The following PCSK5 variants were observed in gnomAD, a reference collection of about 807,000 sequenced individuals.
PCSK5 encodes the protein prohormone convertase 5.
Under a neutral mutation model 233.2 loss-of-function variants are expected in PCSK5, and 129 were observed. That is an observed-to-expected ratio of 0.55 (90% CI 0.48 to 0.64). The LOEUF (loss-of-function observed/expected upper bound fraction) is 0.64. Among genes scored for constraint, PCSK5 ranks in the 30% least tolerant of loss-of-function variants. The pLI, the probability that PCSK5 is intolerant of heterozygous loss-of-function variation, is 0.00. For missense variants in PCSK5, 2,076 were observed against 2,430.1 expected, an observed-to-expected ratio of 0.85 and a Z score of 3.06; for synonymous variants, 825 against 879.2, an observed-to-expected ratio of 0.94 and a Z score of 1.09.
chr9:76,229,450 C>G (rs1390140), intron 21 of PCSK5, among the ~76,000 whole-genome samples: 1 of 151,980 alleles, frequency 6.6e-6, no homozygotes, highest in African/African-American at 2.4e-5. Flanking sequence ...CTCTGTGATG[C>G]CAGGATCCTC....
intron 32 of PCSK5, among the ~76,000 whole-genome samples, chr9:76,323,544 G>T: frequency 6.6e-6 from 1 of 152,002 alleles, no homozygotes; most frequent in Non-Finnish European, 1.5e-5. Context: ...GTCTCAGAAT[G>T]TTGCCTAGGC....
chr9:75,891,168 G>A lies in PCSK5; in HGVS notation c.-14G>A. 5 of 1,455,428 alleles carry A rather than the reference G, an allele frequency of 3.4e-6. No homozygotes were observed. The highest frequency in any genetic ancestry group is 4.5e-6 in the Non-Finnish European group (5 of 1,112,228). The allele number at this position is 1,455,428 out of a possible 1,614,324, so 90.2% of individuals were successfully genotyped here. A position where few individuals can be genotyped will look rare whatever the true frequency, so the allele number is the denominator to read the frequency against. On this transcript the variant is annotated 5_prime_UTR_variant, in exon 1 of 38. Transcript: ENST00000674117. ...ACCAGCCAGCGAGCGAGGGAGCAGC[G>A]AGGCGCCGGGACCATGGGCTGGGGG...
chr9:76,163,305 C>T (rs1238756570), intron 12 of PCSK5, among the ~76,000 whole-genome samples: 2 of 152,210 alleles, frequency 1.3e-5, no homozygotes, highest in Non-Finnish European at 1.5e-5. Flanking sequence ...CCCTCAGTGG[C>T]TCCCTGTCCT....
At chr9:75,953,634 A>ATGTG (rs1184889215) in intron 2 of PCSK5, among the ~76,000 whole-genome samples, 1 of 144,762 alleles carries the variant, frequency 6.9e-6, no homozygotes, top group East Asian at 2.3e-4. Context: ...TGGCGTGCAT[A>ATGTG]TGTGTGTGTG....
chr9:75,974,824 A>G (rs192562986), intron 2 of PCSK5, among the ~76,000 whole-genome samples: 16 of 152,280 alleles, frequency 1.1e-4, no homozygotes, highest in African/African-American at 3.6e-4. Flanking sequence ...TCATTTTAGG[A>G]TTTAAAAACA....
chr9:76,351,403 C>G (rs192410407), intron 36 of PCSK5, among the ~76,000 whole-genome samples: 133 of 139,788 alleles, frequency 9.5e-4, no homozygotes, highest in East Asian at 2.1e-3. Flanking sequence ...TTTAGAATTT[C>G]TGGTTTCTAC....
chr9:75,985,493 G>A (rs897052135), intron 2 of PCSK5, among the ~76,000 whole-genome samples: 2 of 151,644 alleles, frequency 1.3e-5, no homozygotes, highest in Admixed American at 6.6e-5. Flanking sequence ...GCACGGTGTT[G>A]TAGAAAGCCA....
chr9:75,898,663 G>GAA (rs35284504), intron 1 of PCSK5, among the ~76,000 whole-genome samples: 1,366 of 86,950 alleles, frequency 0.016, 12 homozygotes, highest in African/African-American at 0.056. Context: ...TGTGGGATAA[G>GAA]AAAAAAAAAA....
chr9:76,149,328 G>A (rs1823572597), intron 10 of PCSK5, among the ~76,000 whole-genome samples: 1 of 152,176 alleles, frequency 6.6e-6, no homozygotes, highest in African/African-American at 2.4e-5. Context: ...TGATGGATGT[G>A]TAGCTGGATG....
At chr9:76,234,533 T>G (rs1036640165) in intron 22 of PCSK5, among the ~76,000 whole-genome samples, 3 of 152,188 alleles carry the variant, frequency 2.0e-5, no homozygotes, top group African/African-American at 4.8e-5. Flanking sequence ...TACCAGGCAT[T>G]TGCAGGAGAT....
At chr9:75,892,735 C>T (rs539172616) in intron 1 of PCSK5, among the ~76,000 whole-genome samples, 1 of 152,330 alleles carries the variant, frequency 6.6e-6, no homozygotes. Context: ...GCTGTCGCCG[C>T]GTTTAGAAGG....
At chr9:76,009,285 A>T (rs548112801) in intron 3 of PCSK5, among the ~76,000 whole-genome samples, 54 of 152,322 alleles carry the variant, frequency 3.5e-4, no homozygotes, top group African/African-American at 1.1e-3. Flanking sequence ...CAGTTGGACT[A>T]AAACTTTTTT....
chr9:75,916,964 T>G (rs927658633), intron 1 of PCSK5, among the ~76,000 whole-genome samples: 1 of 150,836 alleles, frequency 6.6e-6, no homozygotes, highest in African/African-American at 2.4e-5. Context: ...AGGTCAGGAG[T>G]TCGAGACCAG....
intron 22 of PCSK5, among the ~76,000 whole-genome samples, chr9:76,235,158 T>C (rs1826211000): frequency 6.6e-6 from 1 of 152,176 alleles, no homozygotes; most frequent in African/African-American, 2.4e-5. Flanking sequence ...AATAAATAAC[T>C]GAATGAATTA....
rs374679528 is a variant in PCSK5 at position 75,891,344 on chromosome 9, A to G, written c.163A>G (p.Ser55Gly). Residue 55 changes from serine to glycine, a missense_variant, in exon 1 of 38, where the codon AGC (serine) becomes GGC (glycine). Transcript: ENST00000674117. The stretch of plus-strand genomic sequence containing the variant: ...CTTCCCGGAGGCCAACCGTATCGCC[A>G]GCAAGTACGGATTCATCAACATAGG... Reference protein sequence around the residue: ...GGFPEANRIASKYGFINIGQI... With the variant: ...GGFPEANRIAGKYGFINIGQI... 2.2e-5 allele frequency: 34 copies of G among 1,565,210 alleles called. No homozygotes were observed. Among genetic ancestry groups the G allele is most frequent in the Non-Finnish European group, 2.8e-5 (33 of 1,158,796 alleles).
chr9:76,072,901 T>G (rs1277095329), intron 7 of PCSK5, among the ~76,000 whole-genome samples: 1 of 152,234 alleles, frequency 6.6e-6, no homozygotes, highest in African/African-American at 2.4e-5. Flanking sequence ...CCCCTACCTA[T>G]GCTTTATATT....
rs370791903 is a variant in PCSK5 at position 76,037,758 on chromosome 9, T to A, written c.632+10721T>A. ...CTAAGGAGGGGATGGGATAGTGAGGTTGTGTCGTACGTGGGGAATTGTGGT... is the reference window on the plus strand; with the variant it reads ...CTAAGGAGGGGATGGGATAGTGAGGATGTGTCGTACGTGGGGAATTGTGGT... On this transcript the variant is annotated intron_variant, in intron 5 of 37. Transcript: ENST00000674117. Among the ~76,000 whole-genome samples, 210 of 152,146 alleles carry A rather than the reference T, an allele frequency of 1.4e-3. 7 individuals are homozygous for A. In the South Asian group the frequency reaches 0.036, roughly 26 times the overall value.
intron 14 of PCSK5, among the ~76,000 whole-genome samples, chr9:76,177,872 A>G (rs1479607471): frequency 6.6e-6 from 1 of 152,190 alleles, no homozygotes; most frequent in African/African-American, 2.4e-5. Flanking sequence ...GTTTAAGATG[A>G]TAAAAGAAAC....
intron 24 of PCSK5, among the ~76,000 whole-genome samples, chr9:76,246,993 T>C (rs1173214671): frequency 6.6e-6 from 1 of 152,280 alleles, no homozygotes; most frequent in Admixed American, 6.5e-5. Flanking sequence ...TCTTGCGCCA[T>C]GAGGTGAGTG....
Sources: gnomAD v4.1 joint callset for allele counts (sites outside exome capture counted in the v4.1 genomes callset) on GRCh38, gnomAD v4.1.1 for gene constraint, MANE v1.5 for transcripts, NCBI Gene and HGNC (gene_info 2026-07-23, HGNC 2026-07-21) for gene names.